The following SOX5 variants were observed in gnomAD, a reference collection of about 807,000 sequenced individuals.
SOX5 encodes transcription factor SOX-5.
A neutral mutation model predicts 92.0 loss-of-function variants in SOX5; 9 were observed. That is an observed-to-expected ratio of 0.10 (90% CI 0.06 to 0.17). The LOEUF (loss-of-function observed/expected upper bound fraction) is 0.17, where lower values mean the gene tolerates loss of function less well. Ranked by LOEUF, SOX5 falls within the 10% of genes least tolerant of loss-of-function variation. The probability of loss-of-function intolerance (pLI) is 1.00; values close to 1 mark genes in which losing one functional copy is unlikely to be tolerated. For synonymous variants in SOX5, 344 were observed against 336.3 expected (o/e 1.02, Z -0.25); for missense variants, 642 against 944.5 (o/e 0.68, Z 4.20).
At chr12:24,408,611 A>G (rs1347468386) in intron 1 of SOX5, among the ~76,000 whole-genome samples, 1 of 152,194 alleles carries the variant, frequency 6.6e-6, no homozygotes, top group Admixed American at 6.5e-5. Context: ...TTCACTTCAA[A>G]AGTATTATAT....
chr12:24,558,624 T>C (rs1849038371), intron 1 of SOX5, among the ~76,000 whole-genome samples: 1 of 152,190 alleles, frequency 6.6e-6, no homozygotes, highest in South Asian at 2.1e-4. Flanking sequence ...TTTTAAAAAC[T>C]TCACTTTACT....
chr12:23,635,013 G>A (rs530151026), intron 8 of SOX5, among the ~76,000 whole-genome samples: 2 of 152,218 alleles, frequency 1.3e-5, no homozygotes, highest in Non-Finnish European at 2.9e-5. Flanking sequence ...AACCATTGAT[G>A]CTACAGACTT....
intron 1 of SOX5, among the ~76,000 whole-genome samples, chr12:24,398,746 A>G (rs1960718658): frequency 6.6e-6 from 1 of 152,200 alleles, no homozygotes; most frequent in Admixed American, 6.5e-5. Context: ...ATAAACCCAC[A>G]TCCTCTGCTA....
intron 2 of SOX5, among the ~76,000 whole-genome samples, chr12:23,858,517 G>A (rs2096719888): frequency 6.6e-6 from 1 of 152,092 alleles, no homozygotes; most frequent in African/African-American, 2.4e-5. Context: ...AGTCAGAATG[G>A]CTATTATTAA....
At chr12:24,342,714 C>T (rs1952723130) in intron 2 of SOX5, among the ~76,000 whole-genome samples, 1 of 152,192 alleles carries the variant, frequency 6.6e-6, no homozygotes, top group South Asian at 2.1e-4. Flanking sequence ...ACCTCCCTGA[C>T]TTTGGTCTTT....
At chr12:24,259,615 C>T (rs1473546666) in intron 3 of SOX5, among the ~76,000 whole-genome samples, 1 of 152,084 alleles carries the variant, frequency 6.6e-6, no homozygotes. Flanking sequence ...CAGCTAAGAT[C>T]AATGACAAGC....
chr12:24,397,055 A>T (rs1960211954), intron 1 of SOX5, among the ~76,000 whole-genome samples: 1 of 152,210 alleles, frequency 6.6e-6, no homozygotes, highest in Non-Finnish European at 1.5e-5. Flanking sequence ...CCTTCCTGGA[A>T]GTACCATCGC....
At chr12:24,434,236 G>A (rs896517071) in intron 1 of SOX5, among the ~76,000 whole-genome samples, 8 of 152,002 alleles carry the variant, frequency 5.3e-5, no homozygotes, top group African/African-American at 1.9e-4. Context: ...AGGAAAGAGA[G>A]AAACTGAGGG....
intron 8 of SOX5, among the ~76,000 whole-genome samples, chr12:23,612,055 A>G (rs529392230): frequency 6.6e-6 from 1 of 152,270 alleles, no homozygotes; most frequent in East Asian, 1.9e-4. Flanking sequence ...GAGAGTGATA[A>G]GAGCATGCAT....
At chr12:24,270,031 T>G (rs796103225) in intron 3 of SOX5, among the ~76,000 whole-genome samples, 5 of 151,930 alleles carry the variant, frequency 3.3e-5, no homozygotes, top group African/African-American at 1.2e-4. Context: ...CTTATTTTAG[T>G]ATCCTATTTT....
chr12:24,492,328 C>T (rs138456636), intron 1 of SOX5, among the ~76,000 whole-genome samples: 179 of 152,174 alleles, frequency 1.2e-3, no homozygotes, highest in African/African-American at 4.1e-3. Context: ...TTTAAAGGTC[C>T]CTGAAAAGTC....
chr12:23,557,214 T>C (rs1305341480), intron 11 of SOX5, among the ~76,000 whole-genome samples: 2 of 152,334 alleles, frequency 1.3e-5, no homozygotes, highest in East Asian at 3.9e-4. Context: ...AGGCTTCTTA[T>C]GAATATGACT....
At chr12:23,697,355 T>C (rs528019327) in intron 6 of SOX5, among the ~76,000 whole-genome samples, 1 of 152,350 alleles carries the variant, frequency 6.6e-6, no homozygotes, top group South Asian at 2.1e-4. Flanking sequence ...CTCTGAAATC[T>C]ATTTGACACT....
At chr12:23,930,311 C>T (rs1341594792) in intron 1 of SOX5, among the ~76,000 whole-genome samples, 4 of 151,692 alleles carry the variant, frequency 2.6e-5, no homozygotes, top group Non-Finnish European at 4.4e-5. Context: ...TTTGCTCTCA[C>T]AAAATGCCAT....
At chr12:23,758,255 C>A (rs2094459373) in intron 3 of SOX5, among the ~76,000 whole-genome samples, 1 of 151,646 alleles carries the variant, frequency 6.6e-6, no homozygotes, top group African/African-American at 2.4e-5. Flanking sequence ...TGGTAATAAC[C>A]AAATGAAGAC....
chr12:24,461,209 C>A (rs1943584549), intron 1 of SOX5, among the ~76,000 whole-genome samples: 1 of 151,944 alleles, frequency 6.6e-6, no homozygotes, highest in South Asian at 2.1e-4. Context: ...CAACAAGAAA[C>A]ATTATTTTGT....
chr12:23,673,453 A>C (rs2085134199), intron 6 of SOX5, among the ~76,000 whole-genome samples: 1 of 152,156 alleles, frequency 6.6e-6, no homozygotes. Context: ...CTGCTAGTAC[A>C]ATCTTACTTT....
Position 23,548,241 on chromosome 12 carries a change from G to A in SOX5, c.1489-1817C>T, listed in dbSNP as rs1448996771. ...AAATTAATCAAAGTAGAAAAAGAAC[G>A]ACACGTTAAGTGACTTCCAAGGTTC... On this transcript the variant is annotated intron_variant, in intron 11 of 14. Coordinates refer to ENST00000451604, the MANE Select transcript of SOX5 (RefSeq NM_006940.6). 4.6e-5 allele frequency among the ~76,000 whole-genome samples: 7 copies of A among 151,978 alleles called. No homozygotes were observed. The East Asian group carries it at 1.3e-3, about 29-fold the overall frequency.
chr12:24,485,982 G>C (rs1016705725), intron 1 of SOX5, among the ~76,000 whole-genome samples: 4 of 152,006 alleles, frequency 2.6e-5, no homozygotes, highest in African/African-American at 9.7e-5. Flanking sequence ...GTTGAGACAG[G>C]GTATCTGTTG....
Sources: gnomAD v4.1 joint callset for allele counts (sites outside exome capture counted in the v4.1 genomes callset) on GRCh38, gnomAD v4.1.1 for gene constraint, MANE v1.5 for transcripts, NCBI Gene and HGNC (gene_info 2026-07-23, HGNC 2026-07-21) for gene names.